The following COPG2 variants were observed in gnomAD, a reference collection of about 807,000 sequenced individuals.
COPG2 encodes the protein coatomer subunit gamma-2.
COPG2 carries 37 observed loss-of-function variants against 46.3 expected under a neutral mutation model. The observed-to-expected ratio is 0.80, with a 90% CI of 0.61 to 1.05. The LOEUF is 1.05. Ranked by LOEUF, COPG2 falls within the 50% of genes least tolerant of loss-of-function variation. COPG2 has a pLI of 0.00. For synonymous variants in COPG2, 159 were observed against 129.7 expected (o/e 1.23, Z -1.53); for missense variants, 427 against 387.8 (o/e 1.10, Z -0.85).
intron 20 of COPG2, among the ~76,000 whole-genome samples, chr7:130,534,246 C>T (rs1386468312): frequency 6.6e-6 from 1 of 152,128 alleles, no homozygotes; most frequent in Admixed American, 6.5e-5. Context: ...TCAGGAATCA[C>T]TGCACATGAA....
chr7:130,627,198 T>G (rs1795134830), intron 5 of COPG2, among the ~76,000 whole-genome samples: 1 of 152,216 alleles, frequency 6.6e-6, no homozygotes, highest in Admixed American at 6.5e-5. Flanking sequence ...TTTTAGTATT[T>G]TCTGAATTAC....
rs1023280637 is a variant in COPG2, at chr7:130,556,574, T to C, written c.1129-1442A>G. 8.6e-4 allele frequency among the ~76,000 whole-genome samples: 131 copies of C among 152,310 alleles called. 1 individual carries two copies. In the East Asian group the frequency reaches 9.4e-3, roughly 11 times the overall value. ...TGATACTTAAGCCTAATAAAGATGG[T>C]ATATATGTACAGAAAGAAAAATTAC... On this transcript the variant is annotated intron_variant, in intron 12 of 23. Transcript: ENST00000425248.
intron 12 of COPG2, among the ~76,000 whole-genome samples, chr7:130,558,555 GCT>G (rs1429290749): frequency 9.7e-4 from 147 of 152,278 alleles, no homozygotes; most frequent in African/African-American, 3.2e-3. Context: ...AGAAGATCTT[GCT>G]CTGTTGCCCA....
At chr7:130,569,551 T>C (rs1432092189) in intron 9 of COPG2, among the ~76,000 whole-genome samples, 4 of 151,804 alleles carry the variant, frequency 2.6e-5, no homozygotes, top group Non-Finnish European at 5.9e-5. Flanking sequence ...AGCAGCAAGA[T>C]TGAAATGGTA....
At chr7:130,612,084 C>G (rs1794859391) in intron 8 of COPG2, 68 bp downstream of exon 8, 1 of 1,083,590 alleles carries the variant, frequency 9.2e-7, no homozygotes, top group Non-Finnish European at 1.4e-6. Context: ...AATCGATACA[C>G]TGCCCCTACA....
chr7:130,658,986 C>T (rs1277986177), intron 4 of COPG2, among the ~76,000 whole-genome samples: 2 of 152,094 alleles, frequency 1.3e-5, no homozygotes, highest in African/African-American at 2.4e-5. Context: ...AGCCGACAAC[C>T]TGATTTTTTT....
At chr7:130,608,598 GTTAT>G (rs1422297129) in intron 9 of COPG2, among the ~76,000 whole-genome samples, 1 of 152,034 alleles carries the variant, frequency 6.6e-6, no homozygotes, top group Non-Finnish European at 1.5e-5. Flanking sequence ...CAGATTTTCA[GTTAT>G]TTGTTTCAAC....
At chr7:130,588,660 G>A (rs2116455146) in intron 9 of COPG2, among the ~76,000 whole-genome samples, 1 of 152,250 alleles carries the variant, frequency 6.6e-6, no homozygotes, top group East Asian at 1.9e-4. Flanking sequence ...GCAGGGGGAG[G>A]GGGAAGGGAT....
chr7:130,526,153 G>C (rs1335219567), intron 20 of COPG2, among the ~76,000 whole-genome samples: 3 of 152,164 alleles, frequency 2.0e-5, no homozygotes, highest in Admixed American at 6.5e-5. Context: ...AGGAGAAAAG[G>C]CTGGAGTGTA....
chr7:130,538,732 A>G (rs1799908658), intron 20 of COPG2, among the ~76,000 whole-genome samples: 1 of 152,070 alleles, frequency 6.6e-6, no homozygotes, highest in Admixed American at 6.5e-5. Context: ...GTGGGCAGAA[A>G]GATACTTGCA....
chr7:130,546,644 T>C (rs1793448794), intron 20 of COPG2: 1 of 152,164 alleles, frequency 6.6e-6, no homozygotes, highest in African/African-American at 2.4e-5. Flanking sequence ...TGCTAGAGTC[T>C]GAGTAGCCTA....
intron 5 of COPG2, among the ~76,000 whole-genome samples, chr7:130,624,720 T>A (rs1795089566): frequency 6.6e-6 from 1 of 152,220 alleles, no homozygotes; most frequent in African/African-American, 2.4e-5. Context: ...TCCAGTTCCA[T>A]CCAAGTTGCT....
In COPG2 at chr7:130,668,718, G is replaced by A; in HGVS notation, c.-50C>T. The stretch of plus-strand genomic sequence containing the variant: ...ACCCACCGCAACCGTCCCAGGCGCC[G>A]CAGCCGGCGAGCGGAAGAGGCTGCA... On this transcript the variant is annotated 5_prime_UTR_variant, in exon 1 of 24. Coordinates refer to ENST00000425248, the MANE Select transcript of COPG2 (RefSeq NM_012133.6). 1 of 1,504,742 alleles carries A rather than the reference G, an allele frequency of 6.6e-7. No homozygotes were observed. Among genetic ancestry groups the A allele is most frequent in the Non-Finnish European group, 8.9e-7 (1 of 1,125,558 alleles). The allele number at this position is 1,504,742 out of a possible 1,614,324, so 93.2% of individuals were successfully genotyped here. A position where few individuals can be genotyped will look rare whatever the true frequency, so the allele number is the denominator to read the frequency against.
intron 9 of COPG2, among the ~76,000 whole-genome samples, chr7:130,582,885 T>G (rs1178927362): frequency 6.6e-6 from 1 of 151,898 alleles, no homozygotes; most frequent in Non-Finnish European, 1.5e-5. Flanking sequence ...TAGGAACACT[T>G]TTACACGTTG....
chr7:130,654,253 T>G (rs1795805104), intron 4 of COPG2, among the ~76,000 whole-genome samples: 1 of 152,038 alleles, frequency 6.6e-6, no homozygotes, highest in Non-Finnish European at 1.5e-5. Flanking sequence ...GAACAAAAAT[T>G]TTAAATGTGT....
At chr7:130,570,312 C>G (rs186796585) in intron 9 of COPG2, among the ~76,000 whole-genome samples, 59 of 152,228 alleles carry the variant, frequency 3.9e-4, no homozygotes, top group Non-Finnish European at 7.1e-4. Flanking sequence ...ACCCTAAAAA[C>G]TCATCCAAAA....
intron 12 of COPG2, among the ~76,000 whole-genome samples, chr7:130,555,405 A>T (rs984387757): frequency 1.3e-5 from 2 of 152,228 alleles, no homozygotes; most frequent in Non-Finnish European, 2.9e-5. Flanking sequence ...AAATGATCAC[A>T]TCAAAGATTT....
chr7:130,519,012 A>T (rs1448812964), intron 20 of COPG2, among the ~76,000 whole-genome samples: 12 of 151,766 alleles, frequency 7.9e-5, no homozygotes, highest in Admixed American at 4.6e-4. Flanking sequence ...TCTCAAAAAA[A>T]AAAAAAAAAA....
chr7:130,628,932 T>C (rs926162615), intron 5 of COPG2, among the ~76,000 whole-genome samples: 2 of 152,134 alleles, frequency 1.3e-5, no homozygotes, highest in South Asian at 4.1e-4. Flanking sequence ...CCTGTAGTCC[T>C]AGCTACTCAG....
Sources: allele counts gnomAD v4.1 joint callset (sites outside exome capture counted in the v4.1 genomes callset), GRCh38; gene constraint gnomAD v4.1.1; transcripts MANE v1.5; gene names NCBI Gene and HGNC (gene_info 2026-07-23, HGNC 2026-07-21).